The following DLG2 variants were observed in gnomAD, a reference collection of about 807,000 sequenced individuals.
DLG2 encodes discs large MAGUK scaffold protein 2.
A neutral mutation model predicts 132.5 loss-of-function variants in DLG2; 45 were observed. The observed-to-expected ratio is 0.34, with a 90% CI of 0.27 to 0.44. The LOEUF (loss-of-function observed/expected upper bound fraction) is 0.44. Among genes scored for constraint, DLG2 ranks in the 20% least tolerant of loss-of-function variants. The pLI is 1.00. For missense variants in DLG2, 1,045 were observed against 1,196.9 expected (o/e 0.87, Z 1.87); for synonymous variants, 424 against 419.6 (o/e 1.01, Z -0.13).
At chr11:83,803,198 T>C (rs1453203194) in intron 17 of DLG2, among the ~76,000 whole-genome samples, 2 of 152,134 alleles carry the variant, frequency 1.3e-5, no homozygotes, top group Non-Finnish European at 2.9e-5. Flanking sequence ...CCAGTCATTG[T>C]GCTATTTTTG....
chr11:84,975,519 A>G (rs1372440556), intron 6 of DLG2, among the ~76,000 whole-genome samples: 5 of 152,236 alleles, frequency 3.3e-5, no homozygotes, highest in Non-Finnish European at 7.3e-5. Flanking sequence ...TGATAAGCTT[A>G]GCAGAATTAG....
chr11:83,925,309 C>A (rs1377833162), intron 15 of DLG2, among the ~76,000 whole-genome samples: 1 of 152,142 alleles, frequency 6.6e-6, no homozygotes. Flanking sequence ...GCTTCTCAAA[C>A]TGCTCAGTGG....
chr11:85,577,280 T>C (rs1035059919), intron 3 of DLG2, among the ~76,000 whole-genome samples: 5 of 152,044 alleles, frequency 3.3e-5, no homozygotes, highest in African/African-American at 1.2e-4. Flanking sequence ...TAAGAGACTA[T>C]AGTTGCTCAG....
intron 6 of DLG2, among the ~76,000 whole-genome samples, chr11:84,684,971 G>A (rs748966655): frequency 2.0e-5 from 3 of 152,136 alleles, no homozygotes; most frequent in South Asian, 2.1e-4. Context: ...GGTGAGTAGC[G>A]CTCTTTTATT....
At chr11:85,381,862 A>T (rs765975535) in intron 3 of DLG2, among the ~76,000 whole-genome samples, 2 of 152,274 alleles carry the variant, frequency 1.3e-5, no homozygotes, top group Admixed American at 6.5e-5. Flanking sequence ...ATAAACAGAC[A>T]TTCCATATTC....
At chr11:83,660,486 C>A (rs887616851) in intron 18 of DLG2, among the ~76,000 whole-genome samples, 2 of 152,210 alleles carry the variant, frequency 1.3e-5, no homozygotes, top group African/African-American at 4.8e-5. Context: ...TCCTGCGCAG[C>A]CACCATCAGC....
intron 6 of DLG2, among the ~76,000 whole-genome samples, chr11:84,869,550 A>G (rs2085142822): frequency 6.6e-6 from 1 of 152,226 alleles, no homozygotes; most frequent in African/African-American, 2.4e-5. Flanking sequence ...GAATCTACAA[A>G]TATTACATAT....
chr11:83,812,291 G>A (rs1006348538), intron 17 of DLG2, among the ~76,000 whole-genome samples: 5 of 152,078 alleles, frequency 3.3e-5, no homozygotes, highest in Non-Finnish European at 7.4e-5. Context: ...CCCATCCCAA[G>A]TGTTTTATAG....
chr11:83,944,774 G>T (rs1472344578), intron 14 of DLG2, among the ~76,000 whole-genome samples: 1 of 152,212 alleles, frequency 6.6e-6, no homozygotes, highest in Non-Finnish European at 1.5e-5. Context: ...ACAGTGAAAA[G>T]TAATGGTCAA....
intron 7 of DLG2, 90 bp from the exon 8 acceptor site, chr11:84,251,381 C>T: frequency 1.9e-6 from 2 of 1,026,138 alleles, no homozygotes; most frequent in Non-Finnish European, 2.8e-6. Context: ...AAGAGCTCAA[C>T]AGGCATTTCT....
chr11:85,053,316 A>T (rs2063089354), intron 6 of DLG2, among the ~76,000 whole-genome samples: 1 of 152,186 alleles, frequency 6.6e-6, no homozygotes, highest in African/African-American at 2.4e-5. Context: ...GGGTCTGCCA[A>T]CTTGGGAAAC....
At chr11:83,568,559 G>A (rs2096746774) in intron 19 of DLG2, among the ~76,000 whole-genome samples, 1 of 152,046 alleles carries the variant, frequency 6.6e-6, no homozygotes, top group Admixed American at 6.6e-5. Flanking sequence ...AAAGCTGAAG[G>A]TAAAACCCAA....
At chr11:85,466,551 A>G (rs2092797069) in intron 3 of DLG2, among the ~76,000 whole-genome samples, 1 of 152,118 alleles carries the variant, frequency 6.6e-6, no homozygotes, top group Non-Finnish European at 1.5e-5. Context: ...TCCCAGCACC[A>G]TTTATTAAAT....
intron 5 of DLG2, among the ~76,000 whole-genome samples, chr11:85,154,135 GA>G (rs34094958): frequency 5.8e-3 from 336 of 57,652 alleles, no homozygotes; most frequent in East Asian, 0.03. Flanking sequence ...TTCTTTTGGA[GA>G]AAAAAAAAAA....
intron 4 of DLG2, among the ~76,000 whole-genome samples, chr11:85,246,001 C>G (rs1429507175): frequency 2.6e-5 from 4 of 151,898 alleles, no homozygotes; most frequent in Non-Finnish European, 5.9e-5. Context: ...TTTTAAATTG[C>G]AACTCACTCC....
intron 5 of DLG2, among the ~76,000 whole-genome samples, chr11:85,121,408 T>A (rs1566891277): frequency 6.6e-6 from 1 of 151,100 alleles, no homozygotes. Flanking sequence ...ATATATATAT[T>A]ATAAAGTCAA....
At chr11:84,434,464 G>A (rs1185590684) in intron 7 of DLG2, among the ~76,000 whole-genome samples, 1 of 152,160 alleles carries the variant, frequency 6.6e-6, no homozygotes, top group African/African-American at 2.4e-5. Flanking sequence ...ACCTTGGGCT[G>A]ACTTGGTGCA....
At chr11:84,981,080 C>T (rs1394071867) in intron 6 of DLG2, among the ~76,000 whole-genome samples, 1 of 152,092 alleles carries the variant, frequency 6.6e-6, no homozygotes, top group East Asian at 1.9e-4. Context: ...ATCTATATTA[C>T]TGGTATTTAA....
At chr11:83,683,161 A>T (rs920803682) in intron 18 of DLG2, among the ~76,000 whole-genome samples, 32 of 152,196 alleles carry the variant, frequency 2.1e-4, no homozygotes, top group African/African-American at 7.5e-4. Context: ...GGTTCATCGA[A>T]TAACAGCACT....
Sources: gnomAD v4.1 joint callset for allele counts (sites outside exome capture counted in the v4.1 genomes callset) on GRCh38, gnomAD v4.1.1 for gene constraint, MANE v1.5 for transcripts, NCBI Gene and HGNC (gene_info 2026-07-23, HGNC 2026-07-21) for gene names.